The following CNIH3 variants were observed in gnomAD, a reference collection of about 807,000 sequenced individuals.
CNIH3 encodes the protein cornichon family AMPA receptor auxiliary protein 3, also known as protein cornichon homolog 3.
In CNIH3, 14 loss-of-function variants were observed where a neutral mutation model predicts 24.1. The observed-to-expected ratio is 0.58, with a 90% CI of 0.38 to 0.91. CNIH3 has a LOEUF of 0.91. CNIH3 is among the 40% of genes least tolerant of loss of function. CNIH3 has a pLI of 0.00. For synonymous variants in CNIH3, 68 were observed against 73.8 expected (o/e 0.92, Z 0.40); for missense variants, 178 against 196.8 (o/e 0.90, Z 0.57).
At chr1:224,603,991 A>C (rs1250091801) in intron 3 of CNIH3, among the ~76,000 whole-genome samples, 1 of 152,248 alleles carries the variant, frequency 6.6e-6, no homozygotes, top group Non-Finnish European at 1.5e-5. Context: ...TTACACAAGA[A>C]TTACAATGCA....
At chr1:224,438,649 T>C (rs1372921995) in intron 1 of CNIH3, among the ~76,000 whole-genome samples, 1 of 152,214 alleles carries the variant, frequency 6.6e-6, no homozygotes, top group Admixed American at 6.5e-5. Context: ...TAGCTTTTCT[T>C]TGGAACACTA....
intron 3 of CNIH3, among the ~76,000 whole-genome samples, chr1:224,702,468 G>A (rs1247075284): frequency 6.6e-6 from 1 of 152,228 alleles, no homozygotes; most frequent in Admixed American, 6.5e-5. Context: ...GTATAAGAGA[G>A]TGTCTGTTTC....
At chr1:224,714,950 G>A (rs1341826194) in intron 3 of CNIH3, among the ~76,000 whole-genome samples, 1 of 152,174 alleles carries the variant, frequency 6.6e-6, no homozygotes, top group Non-Finnish European at 1.5e-5. Context: ...ACCTTACGTA[G>A]TAAGGAACAG....
At chr1:224,675,998 C>T (rs1239560734) in intron 1 of CNIH3, among the ~76,000 whole-genome samples, 1 of 152,200 alleles carries the variant, frequency 6.6e-6, no homozygotes, top group African/African-American at 2.4e-5. Context: ...TCCTATTTCT[C>T]CAAGGAAATT....
chr1:224,533,077 A>C (rs1193718019), intron 2 of CNIH3, among the ~76,000 whole-genome samples: 1 of 152,218 alleles, frequency 6.6e-6, no homozygotes, highest in African/African-American at 2.4e-5. Flanking sequence ...TTCAAGGAAC[A>C]GAGAAACCTG....
At chr1:224,719,646 T>G (rs1186567309) in intron 3 of CNIH3, among the ~76,000 whole-genome samples, 1 of 152,210 alleles carries the variant, frequency 6.6e-6, no homozygotes, top group African/African-American at 2.4e-5. Context: ...ATGAATTAGA[T>G]ACTATTATTA....
intron 1 of CNIH3, among the ~76,000 whole-genome samples, chr1:224,449,121 T>C (rs934293673): frequency 6.6e-6 from 1 of 151,894 alleles, no homozygotes; most frequent in Non-Finnish European, 1.5e-5. Context: ...CCTGCCACCA[T>C]GACCGGCTAA....
downstream of CNIH3, among the ~76,000 whole-genome samples, chr1:224,539,351 C>G (rs1404864066): frequency 6.6e-6 from 1 of 152,210 alleles, no homozygotes. Flanking sequence ...TTCCTTTGAA[C>G]TTTCTTCCCA....
intron 1 of CNIH3, among the ~76,000 whole-genome samples, chr1:224,437,557 A>G (rs974979330): frequency 6.6e-6 from 1 of 152,152 alleles, no homozygotes; most frequent in Non-Finnish European, 1.5e-5. Context: ...CGATCTGTGT[A>G]TTGTTCATAT....
At chr1:224,635,389 G>C (rs141687659) in intron 1 of CNIH3, among the ~76,000 whole-genome samples, 160 of 152,320 alleles carry the variant, frequency 1.1e-3, no homozygotes, top group African/African-American at 3.8e-3. Flanking sequence ...TCAAAGCTAT[G>C]CTGTGTGCTG....
intron 1 of CNIH3, among the ~76,000 whole-genome samples, chr1:224,628,894 G>A (rs147077064): frequency 5.3e-5 from 8 of 152,062 alleles, no homozygotes; most frequent in Admixed American, 3.9e-4. Flanking sequence ...CCTGCTACCT[G>A]TCAATCAGAA....
At chr1:224,621,510 T>C in intron 1 of CNIH3, among the ~76,000 whole-genome samples, 1 of 152,210 alleles carries the variant, frequency 6.6e-6, no homozygotes. Context: ...TGGTCTCCAC[T>C]TTCTGTTCTA....
intron 1 of CNIH3, among the ~76,000 whole-genome samples, chr1:224,647,458 G>A (rs1288415608): frequency 6.6e-6 from 1 of 152,220 alleles, no homozygotes; most frequent in African/African-American, 2.4e-5. Context: ...CCCCCTGCCT[G>A]GGCCTGGGTG....
intron 3 of CNIH3, among the ~76,000 whole-genome samples, chr1:224,719,311 T>G (rs1274922691): frequency 6.6e-6 from 1 of 151,796 alleles, no homozygotes; most frequent in African/African-American, 2.4e-5. Flanking sequence ...TGCTTAGGAG[T>G]GGTAATTGCT....
downstream of CNIH3, among the ~76,000 whole-genome samples, chr1:224,542,579 C>T (rs1572444482): frequency 6.6e-6 from 1 of 152,084 alleles, no homozygotes; most frequent in Non-Finnish European, 1.5e-5. Context: ...TAGAAAATAG[C>T]AGAAACAAAT....
intron 3 of CNIH3, among the ~76,000 whole-genome samples, chr1:224,729,614 C>A (rs1175145852): frequency 6.6e-6 from 1 of 151,996 alleles, no homozygotes; most frequent in Admixed American, 6.5e-5. Flanking sequence ...GCATTTATAT[C>A]TGTAGCCTTC....
chr1:224,647,277 C>T (rs972482997), intron 1 of CNIH3, among the ~76,000 whole-genome samples: 1 of 152,242 alleles, frequency 6.6e-6, no homozygotes, highest in African/African-American at 2.4e-5. Context: ...GGCACTGTGC[C>T]CGTCCTACAG....
chr1:224,474,958 T>C (rs1409107025), intron 1 of CNIH3, among the ~76,000 whole-genome samples: 1 of 134,830 alleles, frequency 7.4e-6, no homozygotes, highest in African/African-American at 2.8e-5. Flanking sequence ...GGCAGGAGAA[T>C]GGCGTGAACC....
chr1:224,692,906 A>G (rs1033975482), intron 3 of CNIH3, among the ~76,000 whole-genome samples: 6 of 152,232 alleles, frequency 3.9e-5, no homozygotes, highest in South Asian at 4.1e-4. Flanking sequence ...AGCTACGGAT[A>G]CCGAAACCAC....
Sources: allele counts gnomAD v4.1 joint callset (sites outside exome capture counted in the v4.1 genomes callset), GRCh38; gene constraint gnomAD v4.1.1; transcripts MANE v1.5; gene names NCBI Gene and HGNC (gene_info 2026-07-23, HGNC 2026-07-21).